The following TMTC2 variants were observed in gnomAD, a reference collection of about 807,000 sequenced individuals.
TMTC2 encodes protein O-mannosyl-transferase TMTC2.
In TMTC2, 43 loss-of-function variants were observed where a neutral mutation model predicts 82.4. The ratio of observed to expected loss-of-function variants is 0.52; its 90% confidence interval spans 0.41 to 0.67. The LOEUF is 0.67. Among genes scored for constraint, TMTC2 ranks in the 30% least tolerant of loss-of-function variants. The pLI is 0.00. For missense variants in TMTC2, 919 were observed against 1,012.4 expected, an observed-to-expected ratio of 0.91 and a Z score of 1.25; for synonymous variants, 408 against 381.9, an observed-to-expected ratio of 1.07 and a Z score of -0.80.
chr12:83,078,191 A>G (rs1883352183), intron 11 of TMTC2, among the ~76,000 whole-genome samples: 1 of 152,092 alleles, frequency 6.6e-6, no homozygotes, highest in East Asian at 1.9e-4. Flanking sequence ...GACTTAGCAT[A>G]ATTTTTGCGG....
In TMTC2 at chr12:82,902,270, C is replaced by T. The variant is rs549231746; in HGVS notation, c.1483+5624C>T. 5.3e-5 allele frequency among the ~76,000 whole-genome samples: 8 copies of T among 152,304 alleles called. No individual in the cohort carries two copies. In the East Asian group the frequency reaches 7.7e-4, roughly 15 times the overall value. On this transcript the variant is annotated intron_variant, in intron 3 of 11. Coordinates refer to ENST00000321196, the MANE Select transcript of TMTC2 (RefSeq NM_152588.3). ...AAAGTTTGGGAGTCCCCTAAGACTG[C>T]CACCCTCAGGAGTTTCTGATTCTAA...
At chr12:82,807,157 A>G (rs2137044500) in intron 1 of TMTC2, among the ~76,000 whole-genome samples, 1 of 152,210 alleles carries the variant, frequency 6.6e-6, no homozygotes, top group South Asian at 2.1e-4. Context: ...AAACCTATGA[A>G]ACATATATAA....
At chr12:82,787,560 A>T (rs1878240904) in intron 1 of TMTC2, among the ~76,000 whole-genome samples, 1 of 152,128 alleles carries the variant, frequency 6.6e-6, no homozygotes, top group Admixed American at 6.5e-5. Flanking sequence ...TTATGATGTC[A>T]GTATGGATTT....
At chr12:82,847,128 T>C (rs959818172) in intron 1 of TMTC2, among the ~76,000 whole-genome samples, 1 of 152,192 alleles carries the variant, frequency 6.6e-6, no homozygotes, top group Non-Finnish European at 1.5e-5. Context: ...ATTAGCCAAG[T>C]ATTTGCATAT....
At chr12:82,907,653 C>T (rs1874396451) in intron 3 of TMTC2, among the ~76,000 whole-genome samples, 1 of 151,992 alleles carries the variant, frequency 6.6e-6, no homozygotes, top group African/African-American at 2.4e-5. Context: ...TAAAATTACC[C>T]ACAACAAAAC....
chr12:83,059,724 ATTAAGT>A (rs1028898168), intron 10 of TMTC2, among the ~76,000 whole-genome samples: 1 of 151,790 alleles, frequency 6.6e-6, no homozygotes, highest in African/African-American at 2.4e-5. Context: ...CCTTTTAAAA[ATTAAGT>A]TTATTATTAT....
chr12:82,706,085 G>T (rs1007134677), intron 1 of TMTC2, among the ~76,000 whole-genome samples: 3 of 152,086 alleles, frequency 2.0e-5, no homozygotes, highest in African/African-American at 7.2e-5. Flanking sequence ...GAGGTGGGTA[G>T]ATCACCTGAG....
chr12:82,971,719 G>A (rs191197755), intron 7 of TMTC2, among the ~76,000 whole-genome samples: 13 of 151,832 alleles, frequency 8.6e-5, no homozygotes, highest in African/African-American at 3.1e-4. Context: ...AGAACAAAAG[G>A]GCATAATGTA....
At chr12:82,815,785 A>G (rs1868677274) in intron 1 of TMTC2, among the ~76,000 whole-genome samples, 2 of 152,140 alleles carry the variant, frequency 1.3e-5, no homozygotes, top group Non-Finnish European at 2.9e-5. Context: ...TCAGACTGAC[A>G]TGTTGAATCA....
intron 1 of TMTC2, among the ~76,000 whole-genome samples, chr12:82,854,540 G>T (rs1871152810): frequency 6.6e-6 from 1 of 152,064 alleles, no homozygotes; most frequent in Non-Finnish European, 1.5e-5. Flanking sequence ...GGAAGTAGTA[G>T]ACAAAAATTC....
chr12:83,050,494 C>T (rs1391151618), intron 9 of TMTC2, among the ~76,000 whole-genome samples: 2 of 151,996 alleles, frequency 1.3e-5, no homozygotes, highest in Non-Finnish European at 2.9e-5. Flanking sequence ...AATCTACCTT[C>T]CTATGTTTAT....
chr12:82,997,348 G>GTGTATATATATA (rs1879685001), intron 8 of TMTC2, among the ~76,000 whole-genome samples: 2 of 21,598 alleles, frequency 9.3e-5, no homozygotes, highest in African/African-American at 2.2e-4. Flanking sequence ...GTGTGTGTGT[G>GTGTATATATATA]TATATATATA....
At chr12:82,959,838 A>C (rs1244749075) in intron 4 of TMTC2, among the ~76,000 whole-genome samples, 1 of 152,080 alleles carries the variant, frequency 6.6e-6, no homozygotes, top group Non-Finnish European at 1.5e-5. Context: ...ACCTAATTAC[A>C]GTAAAGAGCT....
chr12:83,038,744 CA>C (rs1187131855), intron 9 of TMTC2, among the ~76,000 whole-genome samples: 3 of 152,000 alleles, frequency 2.0e-5, no homozygotes, highest in African/African-American at 7.2e-5. Flanking sequence ...CATTAGAAAG[CA>C]AAACAAACTT....
In TMTC2 at chr12:82,845,102, G is replaced by A. The variant is rs569565484; in HGVS notation, c.84-11908G>A. Among the ~76,000 whole-genome samples the A allele has an allele frequency of 2.1e-3, 319 of 149,538 alleles. 4 individuals carry two copies. In the Middle Eastern group the frequency reaches 0.024, roughly 11 times the overall value. ...AAATTAGCTGGGCGTAGTGGCGGGC[G>A]CCTGTAATCCTAGCTACTTGGGAGG... On this transcript the variant is annotated intron_variant, in intron 1 of 11. Coordinates refer to ENST00000321196, the MANE Select transcript of TMTC2 (RefSeq NM_152588.3).
intron 1 of TMTC2, chr12:82,760,435 T>G (rs1350345793): frequency 6.6e-6 from 1 of 151,482 alleles, no homozygotes; most frequent in Non-Finnish European, 1.5e-5. Context: ...TCTACTAAAA[T>G]TATGCTTATT....
At chr12:82,755,350 A>G (rs192477360) in intron 1 of TMTC2, among the ~76,000 whole-genome samples, 19 of 152,218 alleles carry the variant, frequency 1.2e-4, no homozygotes, top group Admixed American at 9.2e-4. Flanking sequence ...AACCTCCTAT[A>G]TTCTTTGTCT....
chr12:83,061,696 T>A (rs1223872165), intron 10 of TMTC2, 72 bp from the exon 11 acceptor site: 2 of 1,333,466 alleles, frequency 1.5e-6, no homozygotes, highest in African/African-American at 3.1e-5. Context: ...TTAACATTAT[T>A]TTACTGCACA....
intron 1 of TMTC2, among the ~76,000 whole-genome samples, chr12:82,746,711 C>A (rs974493027): frequency 6.6e-6 from 1 of 152,146 alleles, no homozygotes; most frequent in Non-Finnish European, 1.5e-5. Context: ...ATGGGCATGA[C>A]CCAGATGGAT....
Sources: gnomAD v4.1 joint callset for allele counts (sites outside exome capture counted in the v4.1 genomes callset) on GRCh38, gnomAD v4.1.1 for gene constraint, MANE v1.5 for transcripts, NCBI Gene and HGNC (gene_info 2026-07-23, HGNC 2026-07-21) for gene names.